PRKAR2B: variants seen among roughly 807,000 people sequenced by gnomAD.
PRKAR2B encodes the protein protein kinase cAMP-dependent type II regulatory subunit beta, also known as cAMP-dependent protein kinase type II-beta regulatory subunit.
PRKAR2B carries 14 observed loss-of-function variants against 49.9 expected under a neutral mutation model. The ratio of observed to expected loss-of-function variants is 0.28; its 90% CI spans 0.19 to 0.44. PRKAR2B has a LOEUF of 0.44. PRKAR2B is among the 20% of genes least tolerant of loss of function. The pLI is 1.00. For synonymous variants in PRKAR2B, 196 were observed against 197.7 expected, an observed-to-expected ratio of 0.99 and a Z score of 0.07; for missense variants, 393 against 537.9, an observed-to-expected ratio of 0.73 and a Z score of 2.67.
intron 2 of PRKAR2B, among the ~76,000 whole-genome samples, chr7:107,093,040 G>A (rs945352206): frequency 2.0e-5 from 3 of 152,272 alleles, no homozygotes; most frequent in African/African-American, 4.8e-5. Flanking sequence ...ATGTTGTAGC[G>A]TGGGTCAGAA....
chr7:107,096,817 G>GT (rs1402329989), intron 2 of PRKAR2B, among the ~76,000 whole-genome samples: 1 of 152,162 alleles, frequency 6.6e-6, no homozygotes, highest in Non-Finnish European at 1.5e-5. Context: ...TAGTTGAGTG[G>GT]TTTTGAGTGA....
In PRKAR2B at chr7:107,128,119, A is replaced by G. The variant is rs1795531559; in HGVS notation, c.397-93A>G. The G allele has an allele frequency of 1.2e-5, 10 of 812,018 alleles. No individual in the cohort carries two copies. In the South Asian group the frequency reaches 1.5e-4, roughly 12 times the overall value. 50.3% of individuals were successfully genotyped at this position (812,018 alleles called of 1,614,324 possible). On this transcript the variant is annotated intron_variant, in intron 3 of 10. Coordinates refer to ENST00000265717, the MANE Select transcript of PRKAR2B (RefSeq NM_002736.3). ...TGAGCGCTAACAGTTCTTCTTTCTA[A>G]TGTTGGTTCTGATTTTTGTTAGTTT... is the stretch of plus-strand genomic sequence containing the variant.
intron 5 of PRKAR2B, among the ~76,000 whole-genome samples, chr7:107,142,832 G>A (rs992240407): frequency 4.0e-5 from 6 of 151,594 alleles, no homozygotes; most frequent in Non-Finnish European, 8.8e-5. Context: ...GTGCGATCTC[G>A]ACCCACTGCA....
intron 2 of PRKAR2B, among the ~76,000 whole-genome samples, chr7:107,095,477 A>G (rs1794819665): frequency 6.6e-6 from 1 of 152,148 alleles, no homozygotes; most frequent in African/African-American, 2.4e-5. Flanking sequence ...CTCTTTTCCT[A>G]ATTGAATACC....
intron 3 of PRKAR2B, among the ~76,000 whole-genome samples, chr7:107,122,620 T>TC (rs989113311): frequency 2.0e-5 from 3 of 151,998 alleles, no homozygotes; most frequent in African/African-American, 4.8e-5. Context: ...TGCGTCACCC[T>TC]CCCCCCCTTT....
intron 8 of PRKAR2B, among the ~76,000 whole-genome samples, chr7:107,154,808 TAAGAAACAAAA>T (rs908657319): frequency 1.3e-5 from 2 of 152,208 alleles, no homozygotes; most frequent in Non-Finnish European, 2.9e-5. Context: ...CAGAGTTCAT[TAAGAAACAAAA>T]GCAAGAAAGA....
chr7:107,065,541 G>A (rs1251090085), intron 1 of PRKAR2B, among the ~76,000 whole-genome samples: 3 of 151,892 alleles, frequency 2.0e-5, no homozygotes, highest in Admixed American at 1.3e-4. Context: ...TTTCACCTGC[G>A]GTATTTCTAA....
intron 2 of PRKAR2B, among the ~76,000 whole-genome samples, chr7:107,092,668 ATACT>A (rs1794752228): frequency 6.6e-6 from 1 of 152,212 alleles, no homozygotes; most frequent in African/African-American, 2.4e-5. Flanking sequence ...GTTTACTCAC[ATACT>A]TATTTAAAAT....
At chr7:107,112,241 G>T (rs1795190799) in intron 2 of PRKAR2B, among the ~76,000 whole-genome samples, 4 of 143,824 alleles carry the variant, frequency 2.8e-5, no homozygotes, top group South Asian at 4.4e-4. Flanking sequence ...AATTAATACT[G>T]ACTTTTATCA....
At chr7:107,138,710 G>A (rs1049124212) in intron 4 of PRKAR2B, among the ~76,000 whole-genome samples, 5 of 151,790 alleles carry the variant, frequency 3.3e-5, no homozygotes, top group African/African-American at 1.2e-4. Context: ...TTGAGACAGA[G>A]TCTCACTCTG....
At chr7:107,150,192 A>G in intron 6 of PRKAR2B, among the ~76,000 whole-genome samples, 1 of 152,074 alleles carries the variant, frequency 6.6e-6, no homozygotes. Flanking sequence ...TAGGAAAATA[A>G]TGTTTTGAGC....
At chr7:107,065,747 C>A (rs1402674466) in intron 1 of PRKAR2B, among the ~76,000 whole-genome samples, 1 of 152,126 alleles carries the variant, frequency 6.6e-6, no homozygotes, top group Non-Finnish European at 1.5e-5. Flanking sequence ...ATGCATTCTG[C>A]AGGTATTTAC....
chr7:107,069,038 G>A (rs561658396), intron 1 of PRKAR2B, among the ~76,000 whole-genome samples: 6 of 152,174 alleles, frequency 3.9e-5, no homozygotes, highest in South Asian at 2.1e-4. Flanking sequence ...GGGTTCAAGC[G>A]ATTCTCCTGC....
At chr7:107,059,002 C>G (rs1470212632) in intron 1 of PRKAR2B, among the ~76,000 whole-genome samples, 2 of 151,876 alleles carry the variant, frequency 1.3e-5, no homozygotes, top group Non-Finnish European at 2.9e-5. Flanking sequence ...ATTTTTTTTC[C>G]TGGCCACGCA....
At chr7:107,060,773 A>C (rs1794013424) in intron 1 of PRKAR2B, among the ~76,000 whole-genome samples, 1 of 152,138 alleles carries the variant, frequency 6.6e-6, no homozygotes, top group Non-Finnish European at 1.5e-5. Flanking sequence ...ATTTTAATGT[A>C]GGCTAATGTT....
intron 8 of PRKAR2B, among the ~76,000 whole-genome samples, chr7:107,154,102 T>G (rs1718076166): frequency 6.6e-6 from 1 of 152,028 alleles, no homozygotes; most frequent in South Asian, 2.1e-4. Flanking sequence ...ATGTGTGTGT[T>G]AGAGCAGTCA....
At chr7:107,102,078 G>A (rs1477615789) in intron 2 of PRKAR2B, among the ~76,000 whole-genome samples, 8 of 152,024 alleles carry the variant, frequency 5.3e-5, no homozygotes, top group African/African-American at 4.8e-5. Flanking sequence ...ATGGTGGCAC[G>A]TGCCTGTAAT....
At chr7:107,145,655 G>A (rs568247605) in intron 5 of PRKAR2B, among the ~76,000 whole-genome samples, 2 of 151,520 alleles carry the variant, frequency 1.3e-5, no homozygotes, top group Non-Finnish European at 2.9e-5. Context: ...CTAGGCTCAA[G>A]TGATCCTCTT....
chr7:107,068,445 TTAGAC>T (rs1584409431), intron 1 of PRKAR2B: 1 of 152,154 alleles, frequency 6.6e-6, no homozygotes, highest in Non-Finnish European at 1.5e-5. Context: ...GTGGCACTCT[TTAGAC>T]TAACTTTAAT....
Sources: allele counts gnomAD v4.1 joint callset (sites outside exome capture counted in the v4.1 genomes callset), GRCh38; gene constraint gnomAD v4.1.1; transcripts MANE v1.5; gene names NCBI Gene and HGNC (gene_info 2026-07-23, HGNC 2026-07-21).